The following ATP6V1C2 variants were observed in gnomAD, a reference collection of about 807,000 sequenced individuals.
ATP6V1C2 encodes ATPase H+ transporting V1 subunit C2.
In ATP6V1C2, 45 loss-of-function variants were observed where a neutral mutation model predicts 56.8. The observed-to-expected ratio is 0.79, with a 90% CI of 0.62 to 1.02. The LOEUF (loss-of-function observed/expected upper bound fraction) is 1.02, where lower values mean the gene tolerates loss of function less well. Ranked by LOEUF, ATP6V1C2 falls within the 50% of genes least tolerant of loss-of-function variation. ATP6V1C2 has a pLI of 0.00. For missense variants in ATP6V1C2, 463 were observed against 519.7 expected, an observed-to-expected ratio of 0.89 and a Z score of 1.06; for synonymous variants, 220 against 201.3, an observed-to-expected ratio of 1.09 and a Z score of -0.79.
chr2:10,746,710 G>A (rs996629623), intron 3 of ATP6V1C2, among the ~76,000 whole-genome samples: 3 of 151,998 alleles, frequency 2.0e-5, no homozygotes, highest in Admixed American at 6.6e-5. Context: ...CCGCCCAACC[G>A]TAGTTTCTTT....
At chr2:10,731,183 T>A (rs1661932543) in intron 3 of ATP6V1C2, among the ~76,000 whole-genome samples, 1 of 146,808 alleles carries the variant, frequency 6.8e-6, no homozygotes, top group South Asian at 2.2e-4. Flanking sequence ...TCCTGGGCTC[T>A]AGCAATCCTC....
intron 6 of ATP6V1C2, among the ~76,000 whole-genome samples, chr2:10,770,461 G>A (rs1433121453): frequency 6.6e-6 from 1 of 152,236 alleles, no homozygotes; most frequent in Non-Finnish European, 1.5e-5. Context: ...TATGTCAGAA[G>A]TAAGTGGGCA....
chr2:10,784,758 C>G lies in ATP6V1C2; in HGVS notation c.*1495C>G. 1.7e-6 allele frequency: 1 copy of G among 578,642 alleles called. No individual in the cohort carries two copies. The highest frequency in any genetic ancestry group is 3.1e-6 in the Non-Finnish European group (1 of 326,610). 35.8% of individuals were successfully genotyped at this position (578,642 alleles called of 1,614,324 possible). A position where few individuals can be genotyped will look rare whatever the true frequency, so the allele number is the denominator to read the frequency against. On this transcript the variant is annotated 3_prime_UTR_variant, in exon 14 of 14. Coordinates refer to ENST00000272238, the MANE Select transcript of ATP6V1C2 (RefSeq NM_001039362.2). Reference sequence around the variant, plus strand: ...CAAGAGTATCAAATGCCATGCAGCACTTAAACTTGTGATAAGGAAGATGAA... The same window carrying G: ...CAAGAGTATCAAATGCCATGCAGCAGTTAAACTTGTGATAAGGAAGATGAA...
intron 10 of ATP6V1C2, among the ~76,000 whole-genome samples, chr2:10,776,835 A>T (rs775766679): frequency 1.3e-5 from 2 of 151,968 alleles, no homozygotes; most frequent in Non-Finnish European, 2.9e-5. Flanking sequence ...CAGCTGGCGT[A>T]TTTTACATGG....
chr2:10,754,634 G>A (rs1346608831), intron 4 of ATP6V1C2, among the ~76,000 whole-genome samples: 1 of 150,804 alleles, frequency 6.6e-6, no homozygotes, highest in African/African-American at 2.4e-5. Flanking sequence ...ATGCAGTGGC[G>A]CAATCTCGGC....
chr2:10,742,935 C>T (rs1346841427), intron 3 of ATP6V1C2, among the ~76,000 whole-genome samples: 1 of 152,176 alleles, frequency 6.6e-6, no homozygotes, highest in African/African-American at 2.4e-5. Context: ...CAAAGGCCTC[C>T]AGTCCCTACC....
chr2:10,783,346 G>A lies in ATP6V1C2; in HGVS notation c.*83G>A. On this transcript the variant is annotated 3_prime_UTR_variant, in exon 14 of 14. Coordinates refer to ENST00000272238, the MANE Select transcript of ATP6V1C2 (RefSeq NM_001039362.2). ...CCTTTAGCCAGAGAATGGTTCAAATGTCTTACAGAACTAAGATCTTTTTCA... is the reference window on the plus strand; with the variant it reads ...CCTTTAGCCAGAGAATGGTTCAAATATCTTACAGAACTAAGATCTTTTTCA... The A allele has an allele frequency of 1.1e-6, 1 of 876,614 alleles. No individual in the cohort carries two copies. The highest frequency in any genetic ancestry group is 1.6e-5 in the South Asian group (1 of 61,834). The allele number at this position is 876,614 out of a possible 1,614,324, so 54.3% of individuals were successfully genotyped here.
chr2:10,778,219 T>TG (rs1027437259), intron 11 of ATP6V1C2, among the ~76,000 whole-genome samples: 4 of 152,154 alleles, frequency 2.6e-5, no homozygotes, highest in Admixed American at 2.0e-4. Context: ...GCCAGGACCC[T>TG]GGGGGCAGAG....
intron 2 of ATP6V1C2, among the ~76,000 whole-genome samples, chr2:10,724,092 C>G (rs1451252380): frequency 6.6e-6 from 1 of 152,068 alleles, no homozygotes; most frequent in Non-Finnish European, 1.5e-5. Context: ...AAAGAGTGGA[C>G]TTACCGTGGT....
intron 3 of ATP6V1C2, among the ~76,000 whole-genome samples, chr2:10,741,880 CTCCCTCCT>C (rs1487787627): frequency 4.0e-5 from 5 of 124,836 alleles, no homozygotes; most frequent in African/African-American, 1.5e-4. Flanking sequence ...TCCTCCCTCC[CTCCCTCCT>C]TCCCTCCTTC....
At chr2:10,761,106 C>T (rs1663880257) in intron 4 of ATP6V1C2, among the ~76,000 whole-genome samples, 1 of 152,132 alleles carries the variant, frequency 6.6e-6, no homozygotes, top group Non-Finnish European at 1.5e-5. Flanking sequence ...AGTTGGGCCA[C>T]CCCTGGAAGG....
chr2:10,771,128 C>T (rs1664573815), intron 6 of ATP6V1C2, among the ~76,000 whole-genome samples: 3 of 152,224 alleles, frequency 2.0e-5, no homozygotes, highest in African/African-American at 7.2e-5. Context: ...CACGCAGGCT[C>T]CCTGAGGAGG....
chr2:10,777,475 G>A, intron 10 of ATP6V1C2, 110 bp from the exon 11 acceptor site: 1 of 1,425,826 alleles, frequency 7.0e-7, no homozygotes, highest in Admixed American at 1.9e-5. Flanking sequence ...CCCGAGGGTG[G>A]GCCTGAATTC....
intron 3 of ATP6V1C2, among the ~76,000 whole-genome samples, chr2:10,748,400 T>G (rs773271789): frequency 1.6e-4 from 24 of 152,202 alleles, no homozygotes; most frequent in Non-Finnish European, 3.4e-4. Flanking sequence ...TGATGTTAAC[T>G]TTGGTCACTT....
chr2:10,771,559 G>T (rs1027991805), intron 6 of ATP6V1C2, among the ~76,000 whole-genome samples: 1 of 152,180 alleles, frequency 6.6e-6, no homozygotes, highest in Non-Finnish European at 1.5e-5. Flanking sequence ...TGTTGGATTC[G>T]GCAGCCCCTT....
chr2:10,767,488 C>T (rs1664300295), intron 5 of ATP6V1C2, among the ~76,000 whole-genome samples: 1 of 151,886 alleles, frequency 6.6e-6, no homozygotes, highest in African/African-American at 2.4e-5. Context: ...GACAGAGTCT[C>T]ACTCTGTCAC....
At chr2:10,777,438 C>T in intron 10 of ATP6V1C2, 147 bp from the exon 11 acceptor site, 2 of 985,874 alleles carry the variant, frequency 2.0e-6, no homozygotes, top group Non-Finnish European at 3.0e-6. Flanking sequence ...GCACCTACCA[C>T]ATCTCTAGTC....
chr2:10,774,486 G>C (rs1664828743), intron 8 of ATP6V1C2, among the ~76,000 whole-genome samples: 1 of 152,212 alleles, frequency 6.6e-6, no homozygotes, highest in South Asian at 2.1e-4. Flanking sequence ...GCCAGCTGTG[G>C]TGACGGAGGC....
At chr2:10,730,443 A>G (rs746371538) in intron 3 of ATP6V1C2, among the ~76,000 whole-genome samples, 2 of 152,004 alleles carry the variant, frequency 1.3e-5, no homozygotes, top group Non-Finnish European at 2.9e-5. Context: ...TCTGCAGATT[A>G]GTGCTATGGG....
Sources: allele counts gnomAD v4.1 joint callset (sites outside exome capture counted in the v4.1 genomes callset), GRCh38; gene constraint gnomAD v4.1.1; transcripts MANE v1.5; gene names NCBI Gene and HGNC (gene_info 2026-07-23, HGNC 2026-07-21).